FLNB: variants seen among roughly 807,000 people sequenced by gnomAD.
FLNB encodes the protein filamin-B.
Under a neutral mutation model 250.6 loss-of-function variants are expected in FLNB, and 111 were observed. That is an observed-to-expected ratio of 0.44 (90% CI 0.38 to 0.52). FLNB has a LOEUF of 0.52. FLNB is among the 20% of genes least tolerant of loss of function. The probability of loss-of-function intolerance (pLI) is 0.00; values close to 1 mark genes in which losing one functional copy is unlikely to be tolerated. For synonymous variants in FLNB, 1,302 were observed against 1,372.1 expected (o/e 0.95, Z 1.13); for missense variants, 2,869 against 3,447.8 (o/e 0.83, Z 4.20).
At chr3:58,144,505 T>C (rs1390920299) in intron 32 of FLNB, among the ~76,000 whole-genome samples, 1 of 152,368 alleles carries the variant, frequency 6.6e-6, no homozygotes, top group African/African-American at 2.4e-5. Context: ...ACCATTTCCC[T>C]ATTGGAGGGC....
chr3:58,020,677 G>A (rs1355084335), intron 1 of FLNB, among the ~76,000 whole-genome samples: 2 of 148,996 alleles, frequency 1.3e-5, no homozygotes. Context: ...AAGGCTGTCA[G>A]CCTTTACCAT....
At chr3:58,152,996 T>A (rs1453595479) in intron 38 of FLNB, 3 of 346,000 alleles carry the variant, frequency 8.7e-6, no homozygotes, top group Admixed American at 3.9e-5. Context: ...CATTGGGACT[T>A]ACATATGTTC....
chr3:58,110,238 T>C, intron 16 of FLNB, 68 bp downstream of exon 16: 1 of 1,475,974 alleles, frequency 6.8e-7, no homozygotes. Context: ...CTTGTGTGCA[T>C]GTCTCATCTA....
chr3:58,140,535 T>C (rs2097325079), intron 29 of FLNB, among the ~76,000 whole-genome samples: 1 of 152,238 alleles, frequency 6.6e-6, no homozygotes, highest in African/African-American at 2.4e-5. Flanking sequence ...CTGATTCTTA[T>C]TCTTTCTTAT....
chr3:58,148,372 A>G lies in FLNB; in HGVS notation c.5887+8A>G, dbSNP rs143066905. ...TGCCCAACAACCACATTGGTGAGCTAGGCTACCCTTCCTGGCTGGAGCCAG... is the reference window on the plus strand; with the variant it reads ...TGCCCAACAACCACATTGGTGAGCTGGGCTACCCTTCCTGGCTGGAGCCAG... On this transcript the variant is annotated splice_region_variant and intron_variant, in intron 35 of 45. Transcript: ENST00000295956. The G allele has an allele frequency of 2.4e-4, 380 of 1,612,672 alleles. 1 individual carries two copies. The East Asian group carries it at 5.9e-3, about 25-fold the overall frequency.
At chr3:58,106,580 C>T (rs2107106286) in intron 11 of FLNB, 100 bp from the exon 12 acceptor site, 1 of 1,110,926 alleles carries the variant, frequency 9.0e-7, no homozygotes, top group Non-Finnish European at 1.4e-6. Context: ...TTCTGGCCAA[C>T]ACTTGGCTTT....
In FLNB at chr3:58,100,596, TTTTTG is replaced by T. The variant is rs1201166678; in HGVS notation, c.1346-1591_1346-1587del. Among the ~76,000 whole-genome samples, 24 of 138,604 alleles carry T rather than the reference TTTTTG, an allele frequency of 1.7e-4. No individual in the cohort carries two copies. In the South Asian group the frequency reaches 2.2e-3, roughly 13 times the overall value. The allele number at this position is 138,604 out of a possible 152,430, so 90.9% of individuals were successfully genotyped here. Reference sequence around the variant, plus strand: ...TTTTTTCTTTTTCTTTTTCTTTTTTTTTTTGTTTTGTTTTGTTTTGAGACAGAGTC... The same window carrying T: ...TTTTTTCTTTTTCTTTTTCTTTTTTTTTTTGTTTTGTTTTGAGACAGAGTC... On this transcript the variant is annotated intron_variant, in intron 8 of 45. Transcript: ENST00000295956.
intron 20 of FLNB, 107 bp downstream of exon 20, chr3:58,121,610 A>T: frequency 6.9e-7 from 1 of 1,449,950 alleles, no homozygotes. Flanking sequence ...TCGTTTTGTG[A>T]TGAAAGTTAG....
At chr3:58,098,006 C>A (rs1307725894) in intron 7 of FLNB, 29 bp downstream of exon 7, 2 of 1,612,296 alleles carry the variant, frequency 1.2e-6, no homozygotes, top group Non-Finnish European at 1.7e-6. Context: ...ATGGATCTGA[C>A]CTTTGCGCTT....
intron 1 of FLNB, among the ~76,000 whole-genome samples, chr3:58,010,106 GTA>G (rs1412756326): frequency 2.2e-5 from 3 of 133,852 alleles, no homozygotes; most frequent in Non-Finnish European, 3.2e-5. Flanking sequence ...ATGGGTGTGT[GTA>G]TGTGTGTGTG....
chr3:58,120,612 C>T (rs1457658995), intron 19 of FLNB, among the ~76,000 whole-genome samples: 3 of 152,192 alleles, frequency 2.0e-5, no homozygotes, highest in Non-Finnish European at 2.9e-5. Flanking sequence ...TTGCTTCAAT[C>T]GGCTCGCATT....
intron 38 of FLNB, chr3:58,150,749 A>G (rs2097343472): frequency 5.7e-6 from 1 of 174,906 alleles, no homozygotes; most frequent in Non-Finnish European, 1.2e-5. Context: ...GTCTGTCTGA[A>G]ATGTGTTCCA....
intron 4 of FLNB, among the ~76,000 whole-genome samples, chr3:58,091,003 G>A (rs186068533): frequency 4.8e-4 from 73 of 152,070 alleles, no homozygotes; most frequent in African/African-American, 1.7e-3. Flanking sequence ...GCATGAACCC[G>A]GGAGGCAGAG....
At chr3:58,162,970 G>A in intron 42 of FLNB, 184 bp from the exon 43 acceptor site, 1 of 659,038 alleles carries the variant, frequency 1.5e-6, no homozygotes. Context: ...TTTCCCTTGG[G>A]GCTGATGAGG....
chr3:58,136,289 T>C, intron 28 of FLNB, 121 bp downstream of exon 28: 1 of 916,924 alleles, frequency 1.1e-6, no homozygotes, highest in South Asian at 1.4e-5. Flanking sequence ...CTCACTGAAC[T>C]TCAGTTTGAC....
At chr3:58,057,436 G>C (rs1400140187) in intron 1 of FLNB, among the ~76,000 whole-genome samples, 1 of 152,218 alleles carries the variant, frequency 6.6e-6, no homozygotes, top group Non-Finnish European at 1.5e-5. Context: ...GTGTTTTGTT[G>C]GTTCCTGAGA....
At chr3:58,120,093 A>G (rs1361095042) in intron 19 of FLNB, among the ~76,000 whole-genome samples, 2 of 152,222 alleles carry the variant, frequency 1.3e-5, no homozygotes, top group Non-Finnish European at 2.9e-5. Flanking sequence ...GGGTTTCTCC[A>G]GAGTACCACT....
At chr3:58,013,532 G>A (rs565878248) in intron 1 of FLNB, among the ~76,000 whole-genome samples, 1 of 152,330 alleles carries the variant, frequency 6.6e-6, no homozygotes, top group South Asian at 2.1e-4. Context: ...TGCTTAAAAA[G>A]TAGCAAAGTT....
intron 36 of FLNB, chr3:58,149,336 C>T (rs1559730605): frequency 3.9e-6 from 1 of 254,084 alleles, no homozygotes; most frequent in Non-Finnish European, 7.6e-6. Flanking sequence ...CATCTGCTTT[C>T]TTGAAGGATG....
Sources: allele counts gnomAD v4.1 joint callset (sites outside exome capture counted in the v4.1 genomes callset), GRCh38; gene constraint gnomAD v4.1.1; transcripts MANE v1.5; gene names NCBI Gene and HGNC (gene_info 2026-07-23, HGNC 2026-07-21).